BAZ2B: variants seen among roughly 807,000 people sequenced by gnomAD.
BAZ2B encodes bromodomain adjacent to zinc finger domain 2B.
In BAZ2B, 91 loss-of-function variants were observed where a neutral mutation model predicts 246.0. The observed-to-expected ratio is 0.37, with a 90% CI of 0.31 to 0.44. The LOEUF is 0.44. BAZ2B is among the 20% of genes least tolerant of loss of function. The pLI is 1.00. For missense variants in BAZ2B, 2,332 were observed against 2,533.7 expected, an observed-to-expected ratio of 0.92 and a Z score of 1.71; for synonymous variants, 855 against 860.0, an observed-to-expected ratio of 0.99 and a Z score of 0.10.
intron 2 of BAZ2B, among the ~76,000 whole-genome samples, chr2:159,497,838 A>G (rs2081321933): frequency 1.3e-5 from 2 of 152,114 alleles, no homozygotes; most frequent in Admixed American, 6.5e-5. Context: ...GTCTTTTCTC[A>G]TGTTCACTCA....
rs757003457 is a variant in BAZ2B at position 159,433,309 on chromosome 2, T to G, written c.1348A>C (p.Ser450Arg). 3.1e-6 allele frequency: 5 copies of G among 1,614,076 alleles called. No individual in the cohort carries two copies. The East Asian group carries it at 1.1e-4, about 36-fold the overall frequency. The part of the protein sequence containing the change: ...SQLKKQESSK[S>R]LKKVIAALSN... ...AAAGCTGCAATAACCTTCTTCAGGCTCTTCGATGACTCTTGTTTCTTTAAC... is the reference window on the plus strand; with the variant it reads ...AAAGCTGCAATAACCTTCTTCAGGCGCTTCGATGACTCTTGTTTCTTTAAC... The change falls in exon 9 of 37, where the codon AGC becomes CGC. Residue 450 changes from serine (S) to arginine (R), a missense_variant. By Grantham distance (110) the Ser-to-Arg change is moderately radical. This residue lies in a region of BAZ2B where 651 missense variants were observed against 650.9 expected (regional missense o/e 1.00). Transcript: ENST00000392783.
chr2:159,634,844 C>A, the BAZ2B span, among the ~76,000 whole-genome samples: 2 of 152,186 alleles, frequency 1.3e-5, no homozygotes. Flanking sequence ...ACACCCCTAG[C>A]CTGAATGACT....
chr2:159,452,807 A>G (rs1355146493), intron 4 of BAZ2B, among the ~76,000 whole-genome samples: 2 of 152,220 alleles, frequency 1.3e-5, no homozygotes, highest in Admixed American at 1.3e-4. Flanking sequence ...TTGATCAAAT[A>G]CAGAAAAATA....
intron 1 of BAZ2B, among the ~76,000 whole-genome samples, chr2:159,594,307 T>G (rs1690100318): frequency 6.6e-6 from 1 of 151,964 alleles, no homozygotes; most frequent in Non-Finnish European, 1.5e-5. Context: ...CTCCGGAGGC[T>G]AAGGCAGGAG....
In BAZ2B at chr2:159,320,358, T is replaced by C; in HGVS notation, c.6414A>G (p.Thr2138=). The change falls in exon 37 of 37, where the codon ACA becomes ACG. Residue 2138 remains threonine, a synonymous_variant. Transcript: ENST00000392783. ...CTATATCAGAATCATCTTCATTAAA[T>C]GTTTCACAGTTGTCAAAAACAAGCC... is the stretch of plus-strand genomic sequence containing the variant. ...DVRLVFDNCE[T]FNEDDSDIGR... is the part of the protein sequence containing the mutation. 2 of 1,581,462 alleles carry C rather than the reference T, an allele frequency of 1.3e-6. No homozygotes were observed. The highest frequency in any genetic ancestry group is 8.5e-7 in the Non-Finnish European group (1 of 1,171,410).
upstream of BAZ2B, among the ~76,000 whole-genome samples, chr2:159,618,212 G>A (rs1696279711): frequency 6.6e-6 from 1 of 151,996 alleles, no homozygotes; most frequent in African/African-American, 2.4e-5. Context: ...CCCCAGAAAA[G>A]CATTTAATTT....
the BAZ2B span, among the ~76,000 whole-genome samples, chr2:159,655,802 G>A: frequency 3.1e-4 from 47 of 152,118 alleles, 1 homozygote; most frequent in South Asian, 6.8e-3. Context: ...ATTTGGTTCC[G>A]TTTCTATAGA....
intron 2 of BAZ2B, among the ~76,000 whole-genome samples, chr2:159,480,694 G>A (rs1408497684): frequency 1.3e-5 from 2 of 151,996 alleles, no homozygotes; most frequent in African/African-American, 4.8e-5. Flanking sequence ...AATGAGAGTA[G>A]AACTAGAGCT....
At chr2:159,675,592 A>G in the BAZ2B span, among the ~76,000 whole-genome samples, 1 of 152,200 alleles carries the variant, frequency 6.6e-6, no homozygotes, top group Non-Finnish European at 1.5e-5. Context: ...TTAAGGTACA[A>G]TTTTATCTAA....
Position 159,337,012 on chromosome 2 carries a change from G to A in BAZ2B, c.5726C>T (p.Ala1909Val). Reference protein sequence around the residue: ...WRRALSEARSAAQVALCIQQL... With the variant: ...WRRALSEARSVAQVALCIQQL... ...CTGAATGCACAGAGCTACCTGTGCA[G>A]CACTGCGAGCTTCTGATAATGCCCT... Residue 1909 changes from alanine (A) to valine (V), a missense_variant, in exon 33 of 37, where the codon GCT becomes GTT. This residue lies in a region of BAZ2B where 53 missense variants were observed against 62.0 expected (regional missense o/e 0.86). Transcript: ENST00000392783. 1 of 1,610,052 alleles carries A rather than the reference G, an allele frequency of 6.2e-7. No individual in the cohort carries two copies. Among genetic ancestry groups the A allele is most frequent in the East Asian group, 2.2e-5 (1 of 44,840 alleles).
the BAZ2B span, among the ~76,000 whole-genome samples, chr2:159,623,005 G>T: frequency 2.2e-5 from 3 of 135,426 alleles, no homozygotes; most frequent in Admixed American, 7.8e-5. Context: ...AAGGAAGAGA[G>T]AAACAGGAAA....
chr2:159,387,578 GC>G (rs1553547893), intron 21 of BAZ2B, among the ~76,000 whole-genome samples: 1 of 152,044 alleles, frequency 6.6e-6, no homozygotes, highest in Non-Finnish European at 1.5e-5. Flanking sequence ...ATAGATAATA[GC>G]TCATCTCATA....
chr2:159,414,244 GA>G (rs1484713689), intron 13 of BAZ2B, among the ~76,000 whole-genome samples: 2 of 152,106 alleles, frequency 1.3e-5, no homozygotes, highest in Non-Finnish European at 2.9e-5. Context: ...ATAGAGAGCA[GA>G]ATGATAGTTA....
chr2:159,514,197 G>T (rs1017231924), intron 2 of BAZ2B, among the ~76,000 whole-genome samples: 15 of 151,930 alleles, frequency 9.9e-5, no homozygotes, highest in African/African-American at 3.6e-4. Flanking sequence ...CCTACTACAT[G>T]TGCCACAAAA....
At chr2:159,448,592 T>A (rs978141981) in intron 4 of BAZ2B, among the ~76,000 whole-genome samples, 183 bp from the exon 5 acceptor site, 1 of 152,198 alleles carries the variant, frequency 6.6e-6, no homozygotes, top group African/African-American at 2.4e-5. Flanking sequence ...TTATCACTCT[T>A]CTCATTAGGT....
At chr2:159,567,547 T>C (rs1287355811) in intron 1 of BAZ2B, among the ~76,000 whole-genome samples, 1 of 152,242 alleles carries the variant, frequency 6.6e-6, no homozygotes, top group African/African-American at 2.4e-5. Flanking sequence ...GTCAATGGCA[T>C]ATTGCTTGGG....
At chr2:159,463,065 G>A (rs2076605085) in intron 3 of BAZ2B, 9 of 718,146 alleles carry the variant, frequency 1.3e-5, no homozygotes, top group Middle Eastern at 4.9e-4. Context: ...CCATCTTCAC[G>A]GGTGTGAACT....
At chr2:159,332,779 A>T in intron 33 of BAZ2B, 93 bp from the exon 34 acceptor site, 2 of 1,371,832 alleles carry the variant, frequency 1.5e-6, no homozygotes, top group Non-Finnish European at 2.0e-6. Context: ...AATTTATATT[A>T]GTAATGAACA....
At chr2:159,523,708 AAAAG>A (rs879740761) in intron 2 of BAZ2B, among the ~76,000 whole-genome samples, 2 of 152,186 alleles carry the variant, frequency 1.3e-5, no homozygotes, top group Non-Finnish European at 2.9e-5. Context: ...AAAAAAAAGA[AAAAG>A]AAACAGAAAT....
Sources: allele counts gnomAD v4.1 joint callset (sites outside exome capture counted in the v4.1 genomes callset), GRCh38; gene constraint gnomAD v4.1.1; regional missense constraint gnomAD v4.1.1; transcripts MANE v1.5; gene names NCBI Gene and HGNC (gene_info 2026-07-23, HGNC 2026-07-21).